GALNT7: variants seen among roughly 807,000 people sequenced by gnomAD.
GALNT7 encodes N-acetylgalactosaminyltransferase 7.
A neutral mutation model predicts 82.1 loss-of-function variants in GALNT7; 60 were observed. The ratio of observed to expected loss-of-function variants is 0.73; its 90% CI spans 0.59 to 0.91. The LOEUF is 0.91. GALNT7 is among the 40% of genes least tolerant of loss of function. The pLI is 0.00. For missense variants in GALNT7, 660 were observed against 804.2 expected, an observed-to-expected ratio of 0.82 and a Z score of 2.17; for synonymous variants, 243 against 275.1, an observed-to-expected ratio of 0.88 and a Z score of 1.15.
chr4:173,211,848 A>G (rs1733294469), intron 1 of GALNT7, among the ~76,000 whole-genome samples: 1 of 152,252 alleles, frequency 6.6e-6, no homozygotes, highest in Non-Finnish European at 1.5e-5. Flanking sequence ...AAGGGCTATT[A>G]TAATTATTTT....
chr4:173,264,443 TTC>T (rs1735403667), intron 2 of GALNT7, among the ~76,000 whole-genome samples: 1 of 152,168 alleles, frequency 6.6e-6, no homozygotes, highest in Non-Finnish European at 1.5e-5. Flanking sequence ...ACGGTGTGAG[TTC>T]TCTGAGCACA....
intron 2 of GALNT7, among the ~76,000 whole-genome samples, chr4:173,257,035 G>A (rs1263192544): frequency 1.3e-5 from 2 of 152,302 alleles, no homozygotes; most frequent in East Asian, 1.9e-4. Context: ...TAAAACTCCA[G>A]ATGACTTCAC....
At chr4:173,248,693 A>G (rs1734749029) in intron 2 of GALNT7, among the ~76,000 whole-genome samples, 1 of 152,152 alleles carries the variant, frequency 6.6e-6, no homozygotes, top group South Asian at 2.1e-4. Context: ...CCAGACTGGC[A>G]CTGGTCAATG....
At chr4:173,183,781 C>T (rs13150231) in intron 1 of GALNT7, among the ~76,000 whole-genome samples, 17,854 of 150,488 alleles carry the variant, frequency 0.12, 1,323 homozygotes, top group Non-Finnish European at 0.17. Flanking sequence ...CTGGCAGGGA[C>T]TGCCCCCCAC....
rs1737655083 is a variant in GALNT7, at chr4:173,317,670, A to G, written c.1645A>G (p.Met549Val). The G allele has an allele frequency of 1.2e-6, 2 of 1,613,164 alleles. No individual in the cohort carries two copies. The highest frequency in any genetic ancestry group is 1.7e-5 in the Admixed American group (1 of 60,008). ...CGAAACTGCTTACTGCATTGATAGC[A>G]TGGGAAAAACAAATGGAGGCTTTGT... ...GFETAYCIDS[M>V]GKTNGGFVEL... The change falls in exon 10 of 12, where the codon ATG (methionine) becomes GTG (valine). Residue 549 changes from methionine to valine, a missense_variant. Physicochemically the swap from Met to Val is conservative, Grantham distance 21. Around this residue, in one of 2 missense-constraint regions of GALNT7, gnomAD observed 527 missense variants for 683.5 expected, o/e 0.77. Transcript: ENST00000265000.
intron 1 of GALNT7, among the ~76,000 whole-genome samples, chr4:173,183,949 A>G (rs1359042785): frequency 1.3e-5 from 2 of 149,856 alleles, no homozygotes; most frequent in Non-Finnish European, 1.5e-5. Flanking sequence ...GACGCTCCTC[A>G]CCTCCCAGAC....
intron 1 of GALNT7, among the ~76,000 whole-genome samples, chr4:173,238,617 A>G (rs1306705049): frequency 6.6e-6 from 1 of 152,214 alleles, no homozygotes; most frequent in Admixed American, 6.5e-5. Context: ...AAAACGATGT[A>G]TTAACTGTTT....
intron 2 of GALNT7, among the ~76,000 whole-genome samples, chr4:173,260,201 T>G (rs1735208544): frequency 6.6e-6 from 1 of 152,202 alleles, no homozygotes; most frequent in African/African-American, 2.4e-5. Flanking sequence ...AGGAAGAAGA[T>G]GTACAATGAA....
intron 2 of GALNT7, among the ~76,000 whole-genome samples, chr4:173,258,271 T>C (rs1161604651): frequency 3.9e-5 from 6 of 152,240 alleles, no homozygotes; most frequent in African/African-American, 1.4e-4. Flanking sequence ...CAGGGTCATA[T>C]GCCAGATGTT....
At chr4:173,300,780 C>T (rs1442019162) in intron 6 of GALNT7, among the ~76,000 whole-genome samples, 2 of 151,986 alleles carry the variant, frequency 1.3e-5, no homozygotes, top group African/African-American at 2.4e-5. Flanking sequence ...AAAGTCCAAG[C>T]AGTGTTGGCC....
intron 1 of GALNT7, among the ~76,000 whole-genome samples, chr4:173,196,048 AT>A (rs1732763358): frequency 1.3e-5 from 2 of 152,210 alleles, no homozygotes; most frequent in African/African-American, 2.4e-5. Flanking sequence ...GGGGAAAAAA[AT>A]CTAACAGTTG....
intron 2 of GALNT7, among the ~76,000 whole-genome samples, chr4:173,281,915 T>A (rs1166438478): frequency 6.6e-6 from 1 of 152,126 alleles, no homozygotes; most frequent in Non-Finnish European, 1.5e-5. Context: ...AGTAGCGGTT[T>A]CTCGTTGTCT....
chr4:173,275,669 C>CT (rs1254122703), intron 2 of GALNT7, among the ~76,000 whole-genome samples: 1 of 152,140 alleles, frequency 6.6e-6, no homozygotes, highest in Non-Finnish European at 1.5e-5. Flanking sequence ...TGCTGTTCTG[C>CT]TAACAATGGT....
At chr4:173,173,398 G>T (rs953192100) in intron 1 of GALNT7, among the ~76,000 whole-genome samples, 1 of 152,128 alleles carries the variant, frequency 6.6e-6, no homozygotes, top group Non-Finnish European at 1.5e-5. Context: ...CTGAGTGACT[G>T]TCTACAGTTG....
In GALNT7 at chr4:173,225,497, A is replaced by G. The variant is rs181896517; in HGVS notation, c.127-22483A>G. On this transcript the variant is annotated intron_variant, in intron 1 of 11. Coordinates refer to ENST00000265000, the MANE Select transcript of GALNT7 (RefSeq NM_017423.3). ...ATTTTAAACAGTAATCCTGTTTTTT[A>G]AAACAGGATTTAAAACATTATTTAA... Among the ~76,000 whole-genome samples, 305 of 152,296 alleles carry G rather than the reference A, an allele frequency of 2.0e-3. 1 individual carries two copies. Among genetic ancestry groups the G allele is most frequent in the African/African-American group, 7.0e-3 (292 of 41,556 alleles).
intron 1 of GALNT7, among the ~76,000 whole-genome samples, chr4:173,216,625 G>T (rs1476985127): frequency 2.0e-5 from 3 of 148,370 alleles, no homozygotes; most frequent in Non-Finnish European, 4.4e-5. Context: ...TGGTGGTTGT[G>T]TTCCCCAGGT....
Position 173,239,088 on chromosome 4 carries a change from A to G in GALNT7, c.127-8892A>G, listed in dbSNP as rs534155571. Among the ~76,000 whole-genome samples the G allele has an allele frequency of 2.0e-5, 3 of 152,370 alleles. No homozygotes were observed. The East Asian group carries it at 5.8e-4, about 29-fold the overall frequency. ...ATTGGCCAAGAGAACTAAGACTAACATCAGCAGATTTCCTTTTTCATGTTT... is the reference window on the plus strand; with the variant it reads ...ATTGGCCAAGAGAACTAAGACTAACGTCAGCAGATTTCCTTTTTCATGTTT... On this transcript the variant is annotated intron_variant, in intron 1 of 11. Coordinates refer to ENST00000265000, the MANE Select transcript of GALNT7 (RefSeq NM_017423.3).
intron 1 of GALNT7, among the ~76,000 whole-genome samples, chr4:173,206,249 A>G (rs769231113): frequency 6.6e-6 from 1 of 152,182 alleles, no homozygotes. Context: ...CCTTGCTTTA[A>G]GCTGTGCTGC....
chr4:173,310,658 T>C (rs1737349780), intron 8 of GALNT7, among the ~76,000 whole-genome samples: 1 of 152,202 alleles, frequency 6.6e-6, no homozygotes, highest in Admixed American at 6.5e-5. Context: ...CTAAATCCTT[T>C]ATATAGATTA....
Sources: gnomAD v4.1 joint callset for allele counts (sites outside exome capture counted in the v4.1 genomes callset) on GRCh38, gnomAD v4.1.1 for gene constraint, gnomAD v4.1.1 regional missense constraint, MANE v1.5 for transcripts, NCBI Gene and HGNC (gene_info 2026-07-23, HGNC 2026-07-21) for gene names.